Variants in MTMR12 observed in about 807,000 individuals in gnomAD.
MTMR12 encodes myotubularin-related protein 12.
MTMR12 carries 33 observed loss-of-function variants against 96.7 expected under a neutral mutation model. The ratio of observed to expected loss-of-function variants is 0.34; its 90% CI spans 0.26 to 0.46. The LOEUF (loss-of-function observed/expected upper bound fraction) is 0.46. Ranked by LOEUF, MTMR12 falls within the 20% of genes least tolerant of loss-of-function variation. The pLI is 1.00. For synonymous variants in MTMR12, 298 were observed against 327.2 expected, an observed-to-expected ratio of 0.91 and a Z score of 0.96; for missense variants, 721 against 896.1, an observed-to-expected ratio of 0.80 and a Z score of 2.49.
intron 1 of MTMR12, among the ~76,000 whole-genome samples, chr5:32,277,947 TA>T (rs760044823): frequency 1.3e-5 from 2 of 152,198 alleles, no homozygotes; most frequent in Non-Finnish European, 2.9e-5. Flanking sequence ...CAAAGTTACC[TA>T]AAACCACAAG....
intron 1 of MTMR12, among the ~76,000 whole-genome samples, chr5:32,302,870 T>C (rs1295094320): frequency 1.3e-5 from 2 of 152,148 alleles, no homozygotes; most frequent in East Asian, 1.9e-4. Context: ...AACCAAATCA[T>C]TCGCAAATGT....
At chr5:32,271,992 A>C (rs1749854195) in intron 3 of MTMR12, 87 bp from the exon 4 acceptor site, 1 of 803,910 alleles carries the variant, frequency 1.2e-6, no homozygotes, top group Non-Finnish European at 1.9e-6. Context: ...CTCTACTTGG[A>C]TATTAAGAAA....
At chr5:32,266,972 C>G (rs1020189985) in intron 6 of MTMR12, among the ~76,000 whole-genome samples, 2 of 151,594 alleles carry the variant, frequency 1.3e-5, no homozygotes, top group African/African-American at 4.9e-5. Context: ...CCCAGCTACT[C>G]AGGAGGCTGA....
At chr5:32,291,272 C>A (rs1750728850) in intron 1 of MTMR12, among the ~76,000 whole-genome samples, 1 of 152,196 alleles carries the variant, frequency 6.6e-6, no homozygotes, top group South Asian at 2.1e-4. Context: ...CTAGGACATC[C>A]CTGAAGGACA....
chr5:32,245,475 G>T (rs992501375), intron 10 of MTMR12, among the ~76,000 whole-genome samples: 2 of 152,154 alleles, frequency 1.3e-5, no homozygotes, highest in Non-Finnish European at 2.9e-5. Context: ...AGTAGAGAAG[G>T]ACCCTCTGAT....
rs1445053386 is a variant in MTMR12 at position 32,263,068 on chromosome 5, T to C, written c.713+45A>G. The C allele has an allele frequency of 1.2e-5, 19 of 1,607,440 alleles. No individual in the cohort carries two copies. The Admixed American group carries it at 2.7e-4, about 23-fold the overall frequency. ...ATATACTAAAAAACACTGTACACTT[T>C]TAATGGGTGAATTGTACAGCATGTG... On this transcript the variant is annotated intron_variant, in intron 7 of 15. Coordinates refer to ENST00000382142, the MANE Select transcript of MTMR12 (RefSeq NM_001040446.3).
intron 1 of MTMR12, among the ~76,000 whole-genome samples, chr5:32,298,341 G>A (rs1751002986): frequency 6.6e-6 from 1 of 152,204 alleles, no homozygotes. Flanking sequence ...TGAGTGATTA[G>A]GGAAAGAAGG....
chr5:32,247,685 T>C, intron 10 of MTMR12: 1 of 914,998 alleles, frequency 1.1e-6, no homozygotes, highest in Non-Finnish European at 1.3e-6. Context: ...CAAATATAAA[T>C]ACTACATAGT....
chr5:32,242,194 G>T, intron 11 of MTMR12, 67 bp from the exon 12 acceptor site: 2 of 1,104,126 alleles, frequency 1.8e-6, no homozygotes, highest in Non-Finnish European at 2.7e-6. Context: ...ACACTACGTA[G>T]TTGAGAGAGA....
chr5:32,312,203 G>C lies in MTMR12; in HGVS notation c.81+555C>G, dbSNP rs1288251006. On this transcript the variant is annotated intron_variant, in intron 1 of 15. Coordinates refer to ENST00000382142, the MANE Select transcript of MTMR12 (RefSeq NM_001040446.3). The surrounding 1 kb of genome is among the most constrained non-coding windows in gnomAD (Gnocchi z 5.0). ...GCGACAGCGGAGAATTCCCAAGGGA[G>C]AGACAAGCAGAGACTGGCTGAGGCC... 2.6e-5 allele frequency among the ~76,000 whole-genome samples: 4 copies of C among 152,240 alleles called. No individual in the cohort carries two copies. The highest frequency in any genetic ancestry group is 9.6e-5 in the African/African-American group (4 of 41,470).
Position 32,229,884 on chromosome 5 carries a change from C to T in MTMR12, c.2138G>A (p.Arg713Gln), listed in dbSNP as rs770021757. 9 of 1,612,710 alleles carry T rather than the reference C, an allele frequency of 5.6e-6. No individual in the cohort carries two copies. The South Asian group carries it at 7.7e-5, about 14-fold the overall frequency. ...SSLFPFALLQRHSSKPVLPTS... is the reference protein window; with the variant it reads ...SSLFPFALLQQHSSKPVLPTS... ...GGGTAAGACGGGCTTAGAGGAATGT[C>T]GCTGGAGCAGAGCGAAAGGAAACAA... The change falls in exon 16 of 16, where the codon CGA becomes CAA. Residue 713 changes from arginine (R) to glutamine (Q), a missense_variant. Transcript: ENST00000382142.
chr5:32,240,796 T>G (rs1442345807), intron 12 of MTMR12, among the ~76,000 whole-genome samples: 1 of 152,142 alleles, frequency 6.6e-6, no homozygotes, highest in East Asian at 1.9e-4. Flanking sequence ...AGACAGGGTT[T>G]CGTCATGTTG....
At position 32,233,043 on chromosome 5, in the gene MTMR12, T is replaced by C; in HGVS notation, c.1674+730A>G. 1 of 977,478 alleles carries C rather than the reference T, an allele frequency of 1.0e-6. No homozygotes were observed. The highest frequency in any genetic ancestry group is 1.2e-6 in the Non-Finnish European group (1 of 822,678). 60.6% of individuals were successfully genotyped at this position (977,478 alleles called of 1,614,324 possible). On this transcript the variant is annotated intron_variant, in intron 15 of 15. Transcript: ENST00000382142. The surrounding 1 kb of genome is among the most constrained non-coding windows in gnomAD (Gnocchi z 5.0). ...GAGCTAGGAAATGTCAGTTAAATAATTCATCAGTTAGGGAACTTTGGGATT... is the reference window on the plus strand; with the variant it reads ...GAGCTAGGAAATGTCAGTTAAATAACTCATCAGTTAGGGAACTTTGGGATT...
At chr5:32,309,980 A>G (rs576326357) in intron 1 of MTMR12, among the ~76,000 whole-genome samples, 1 of 152,316 alleles carries the variant, frequency 6.6e-6, no homozygotes, top group Non-Finnish European at 1.5e-5. Flanking sequence ...TAGAGCCACC[A>G]TATGATCCGG....
intron 10 of MTMR12, chr5:32,247,576 T>A (rs762887814): frequency 6.4e-5 from 16 of 250,174 alleles, no homozygotes; most frequent in Non-Finnish European, 9.5e-5. Context: ...AGAAACTGTA[T>A]ATTCCCAATC....
chr5:32,268,777 A>C lies in MTMR12; in HGVS notation c.507T>G (p.Ile169Met). The change falls in exon 6 of 16, where the codon ATT (isoleucine) becomes ATG (methionine). Residue 169 changes from isoleucine to methionine, a missense_variant. Physicochemically the swap from Ile to Met is conservative, Grantham distance 10. Coordinates refer to ENST00000382142, the MANE Select transcript of MTMR12 (RefSeq NM_001040446.3). Reference sequence around the variant, plus strand: ...GCAGTTTAGGAGCCTGGGTATGATGAATTATGCCACTGACAATCTAAAAAA... The same window carrying C: ...GCAGTTTAGGAGCCTGGGTATGATGCATTATGCCACTGACAATCTAAAAAA... ...EEVKRIVSGI[I>M]HHTQAPKLLK... 6 of 1,613,430 alleles carry C rather than the reference A, an allele frequency of 3.7e-6. No individual in the cohort carries two copies. Among genetic ancestry groups the C allele is most frequent in the Admixed American group, 1.7e-5 (1 of 60,018 alleles).
At chr5:32,249,798 G>A (rs575016275) in intron 8 of MTMR12, among the ~76,000 whole-genome samples, 52 of 152,272 alleles carry the variant, frequency 3.4e-4, no homozygotes, top group African/African-American at 1.2e-3. Context: ...AACTGATCTT[G>A]GGGCAAAGTA....
chr5:32,288,681 T>C (rs1750638425), intron 1 of MTMR12, among the ~76,000 whole-genome samples: 1 of 152,214 alleles, frequency 6.6e-6, no homozygotes, highest in Non-Finnish European at 1.5e-5. Flanking sequence ...GCCCACTAAG[T>C]AGGGACTCTG....
chr5:32,245,557 G>C (rs1026607013), intron 10 of MTMR12, among the ~76,000 whole-genome samples: 13 of 152,260 alleles, frequency 8.5e-5, no homozygotes, highest in African/African-American at 2.6e-4. Flanking sequence ...GCTGGGCATG[G>C]TGGCTCATGC....
Sources: allele counts gnomAD v4.1 joint callset (sites outside exome capture counted in the v4.1 genomes callset), GRCh38; gene constraint gnomAD v4.1.1; non-coding constraint Gnocchi (gnomAD v3.1); transcripts MANE v1.5; gene names NCBI Gene and HGNC (gene_info 2026-07-23, HGNC 2026-07-21).